FAM110A: variants seen among roughly 807,000 people sequenced by gnomAD.
The protein encoded by FAM110A is family with sequence similarity 110 member A, also known as protein FAM110A.
A neutral mutation model predicts 4.0 loss-of-function variants in FAM110A; 1 was observed. The ratio of observed to expected loss-of-function variants is 0.25; its 90% confidence interval spans 0.09 to 1.20. The LOEUF (loss-of-function observed/expected upper bound fraction) is 1.20, where lower values mean the gene tolerates loss of function less well. FAM110A is among the 50% of genes most tolerant of loss of function. The pLI is 0.50. For missense variants in FAM110A, 436 were observed against 429.2 expected, an observed-to-expected ratio of 1.02 and a Z score of -0.14; for synonymous variants, 217 against 196.8, an observed-to-expected ratio of 1.10 and a Z score of -0.86.
rs1980325921 is a variant in FAM110A at position 845,880 on chromosome 20, GT to G, written c.*190del. On this transcript the variant is annotated 3_prime_UTR_variant, in exon 2 of 2. Coordinates refer to ENST00000381941, the MANE Select transcript of FAM110A (RefSeq NM_001042353.3). ...CAAGGACTGACTCTCCAAGGGTTTT[GT>G]TCTTGGCTTTGGACACCTGAGAACC... 7.5e-7 allele frequency: 1 copy of G among 1,334,618 alleles called. No individual in the cohort carries two copies. Among genetic ancestry groups the G allele is most frequent in the African/African-American group, 1.5e-5 (1 of 66,984 alleles). 82.7% of individuals were successfully genotyped at this position (1,334,618 alleles called of 1,614,324 possible). A position where few individuals can be genotyped will look rare whatever the true frequency, so the allele number is the denominator to read the frequency against.
chr20:845,301 C>G lies in FAM110A; in HGVS notation c.497C>G (p.Pro166Arg), dbSNP rs1980250064. Reference sequence around the variant, plus strand: ...CCCCTGCCCGCCTCGCCTGCCCGGCCCTGCCCATCACCCGGCCCTGCCGCC... The same window carrying G: ...CCCCTGCCCGCCTCGCCTGCCCGGCGCTGCCCATCACCCGGCCCTGCCGCC... ...VRPLPASPAR[P>R]CPSPGPAAAS... Residue 166 changes from proline to arginine, a missense_variant, in exon 2 of 2, where the codon CCC becomes CGC. Transcript: ENST00000381941. The G allele has an allele frequency of 1.3e-6, 2 of 1,537,652 alleles. No homozygotes were observed. Among genetic ancestry groups the G allele is most frequent in the African/African-American group, 1.4e-5 (1 of 72,106 alleles).
In FAM110A at chr20:834,348, T is replaced by C. The variant is rs141623578; in HGVS notation, c.-98+397T>C. ...GCAGTCCGGGGTTGGACTCGGCTCA[T>C]TTGGCGCCTTTCTGTCTACGGGGAC... On this transcript the variant is annotated intron_variant, in intron 1 of 1. Coordinates refer to ENST00000381941, the MANE Select transcript of FAM110A (RefSeq NM_001042353.3). The surrounding 1 kb of genome is among the most constrained non-coding windows in gnomAD (Gnocchi z 5.6). 1.7e-3 allele frequency among the ~76,000 whole-genome samples: 264 copies of C among 152,310 alleles called. No individual in the cohort carries two copies. Among genetic ancestry groups the C allele is most frequent in the African/African-American group, 5.9e-3 (246 of 41,576 alleles).
intron 1 of FAM110A, chr20:836,233 AT>A (rs1979563249): frequency 1.4e-5 from 1 of 71,292 alleles, no homozygotes; most frequent in Admixed American, 2.0e-4. Flanking sequence ...CTGGCTCTAA[AT>A]TTTACATTTT....
chr20:841,874 A>G (rs1251249180), intron 1 of FAM110A, among the ~76,000 whole-genome samples: 1 of 152,192 alleles, frequency 6.6e-6, no homozygotes, highest in African/African-American at 2.4e-5. Flanking sequence ...TGTTGAGGTC[A>G]GCTCACCGAT....
intron 1 of FAM110A, chr20:839,753 AC>A (rs1979776951): frequency 1.4e-6 from 2 of 1,398,162 alleles, no homozygotes; most frequent in African/African-American, 2.8e-5. Flanking sequence ...GATACTGGCT[AC>A]CCTCATTGGT....
intron 1 of FAM110A, among the ~76,000 whole-genome samples, chr20:842,589 C>G (rs561325520): frequency 6.6e-6 from 1 of 152,252 alleles, no homozygotes; most frequent in Non-Finnish European, 1.5e-5. Context: ...GGAGCAGCAC[C>G]CAAGGATCTA....
Position 844,693 on chromosome 20 carries a change from T to A in FAM110A, c.-97-15T>A. 2.4e-6 allele frequency: 3 copies of A among 1,244,668 alleles called. No homozygotes were observed. The highest frequency in any genetic ancestry group is 2.0e-6 in the Non-Finnish European group (2 of 983,930). The allele number at this position is 1,244,668 out of a possible 1,614,324, so 77.1% of individuals were successfully genotyped here. A position where few individuals can be genotyped will look rare whatever the true frequency, so the allele number is the denominator to read the frequency against. On this transcript the variant is annotated splice_polypyrimidine_tract_variant and intron_variant, in intron 1 of 1. Coordinates refer to ENST00000381941, the MANE Select transcript of FAM110A (RefSeq NM_001042353.3). Reference sequence around the variant, plus strand: ...CGCTCGGCTTTTTTTTTTTTTTCTCTCTCCTTCCCTGCAGCAGTGGCCGGT... The same window carrying A: ...CGCTCGGCTTTTTTTTTTTTTTCTCACTCCTTCCCTGCAGCAGTGGCCGGT...
chr20:837,032 G>A (rs1377860737), intron 1 of FAM110A, among the ~76,000 whole-genome samples: 2 of 147,108 alleles, frequency 1.4e-5, no homozygotes, highest in African/African-American at 2.5e-5. Context: ...GTCTGTTCAA[G>A]TGACTCTGCA....
chr20:842,597 C>T (rs1979996346), intron 1 of FAM110A, among the ~76,000 whole-genome samples: 1 of 152,170 alleles, frequency 6.6e-6, no homozygotes, highest in Admixed American at 6.5e-5. Context: ...ACCCAAGGAT[C>T]TATTCCCAAC....
At position 833,882 on chromosome 20, in the gene FAM110A, C is replaced by G. The variant is rs1186220468; in HGVS notation, c.-167C>G. ...TCGTTGGGAGCGGCCACTACCGGCCCGGGTCCGAGCTGTCAGCCTCTCCAA... is the reference window on the plus strand; with the variant it reads ...TCGTTGGGAGCGGCCACTACCGGCCGGGGTCCGAGCTGTCAGCCTCTCCAA... On this transcript the variant is annotated 5_prime_UTR_variant, in exon 1 of 2. Coordinates refer to ENST00000381941, the MANE Select transcript of FAM110A (RefSeq NM_001042353.3). The surrounding 1 kb of genome is among the most constrained non-coding windows in gnomAD (Gnocchi z 4.1). 1.3e-5 allele frequency: 2 copies of G among 152,328 alleles called. No individual in the cohort carries two copies. Among genetic ancestry groups the G allele is most frequent in the Non-Finnish European group, 2.9e-5 (2 of 68,146 alleles). 9.4% of individuals were successfully genotyped at this position (152,328 alleles called of 1,614,324 possible).
At chr20:843,114 C>T (rs571811051) in intron 1 of FAM110A, among the ~76,000 whole-genome samples, 7 of 152,126 alleles carry the variant, frequency 4.6e-5, no homozygotes, top group Admixed American at 3.9e-4. Context: ...GGAATAGTGC[C>T]GGGAGGGGGT....
Position 844,852 on chromosome 20 carries a change from A to C in FAM110A, c.48A>C (p.Leu16=), listed in dbSNP as rs1600017215. ...LSPGAPSAPA[L]PCRLRTRVPG... ...CCGGAGCCCCGTCCGCCCCCGCCCTACCTTGCCGCCTGCGGACCAGGGTCC... is the reference window on the plus strand; with the variant it reads ...CCGGAGCCCCGTCCGCCCCCGCCCTCCCTTGCCGCCTGCGGACCAGGGTCC... The change falls in exon 2 of 2, where the codon CTA becomes CTC. Residue 16 remains leucine, a synonymous_variant. Transcript: ENST00000381941. 2 of 1,532,012 alleles carry C rather than the reference A, an allele frequency of 1.3e-6. No homozygotes were observed. Among genetic ancestry groups the C allele is most frequent in the Non-Finnish European group, 8.8e-7 (1 of 1,139,052 alleles). The allele number at this position is 1,532,012 out of a possible 1,614,324, so 94.9% of individuals were successfully genotyped here.
intron 1 of FAM110A, among the ~76,000 whole-genome samples, chr20:837,045 GTT>G (rs71191980): frequency 2.4e-5 from 2 of 82,908 alleles, no homozygotes; most frequent in Non-Finnish European, 4.7e-5. Flanking sequence ...ACTCTGCATT[GTT>G]TTTTTTTTTT....
Position 845,666 on chromosome 20 carries a change from C to T in FAM110A, c.862C>T (p.Arg288Trp), listed in dbSNP as rs758683222. ...GTGGTTGTATGGGCTAAGGCAGGCTCGGGAGAGCCCAGCAGCTGAAGGCTA... is the reference window on the plus strand; with the variant it reads ...GTGGTTGTATGGGCTAAGGCAGGCTTGGGAGAGCCCAGCAGCTGAAGGCTA... ...IKWLYGLRQA[R>W]ESPAAEG Residue 288 changes from arginine to tryptophan, a missense_variant, in exon 2 of 2, where the codon CGG becomes TGG. Arg to Trp is a moderately radical substitution (Grantham distance 101). Coordinates refer to ENST00000381941, the MANE Select transcript of FAM110A (RefSeq NM_001042353.3). The T allele has an allele frequency of 3.7e-6, 6 of 1,614,034 alleles. No individual in the cohort carries two copies. Among genetic ancestry groups the T allele is most frequent in the South Asian group, 2.2e-5 (2 of 91,080 alleles).
Position 846,055 on chromosome 20 carries a change from G to T in FAM110A, c.*363G>T. ...TCAATCCTGTCTCCCCAGCGGCTCT[G>T]TTTCCTCCTTCCTTCCTTGGCCTCT... On this transcript the variant is annotated 3_prime_UTR_variant, in exon 2 of 2. Transcript: ENST00000381941. The T allele has an allele frequency of 3.8e-6, 1 of 266,340 alleles. No homozygotes were observed. Among genetic ancestry groups the T allele is most frequent in the Non-Finnish European group, 7.8e-6 (1 of 128,986 alleles). 16.5% of individuals were successfully genotyped at this position (266,340 alleles called of 1,614,324 possible).
chr20:841,525 C>T (rs939900976), intron 1 of FAM110A, among the ~76,000 whole-genome samples: 4 of 152,198 alleles, frequency 2.6e-5, no homozygotes, highest in Non-Finnish European at 5.9e-5. Context: ...GACCCCCCAT[C>T]CCCCGCCACC....
intron 1 of FAM110A, chr20:839,812 C>T: frequency 6.3e-7 from 1 of 1,588,782 alleles, no homozygotes; most frequent in South Asian, 1.1e-5. Flanking sequence ...TTCACGCAGC[C>T]CCGGGACTTG....
In FAM110A at chr20:840,470, C is replaced by T. The variant is rs1430188787; in HGVS notation, c.-97-4238C>T. ...TTGGGGTGGAAGAGGTGACAGTCAC[C>T]TCCCTCTGGGAATTCCTTCCTGCAG... is the stretch of plus-strand genomic sequence containing the variant. On this transcript the variant is annotated intron_variant, in intron 1 of 1. Coordinates refer to ENST00000381941, the MANE Select transcript of FAM110A (RefSeq NM_001042353.3). The surrounding 1 kb of genome is among the most constrained non-coding windows in gnomAD (Gnocchi z 4.4). Among the ~76,000 whole-genome samples, 3 of 152,192 alleles carry T rather than the reference C, an allele frequency of 2.0e-5. No homozygotes were observed. The highest frequency in any genetic ancestry group is 2.9e-5 in the Non-Finnish European group (2 of 68,034).
chr20:843,235 C>T (rs972944285), intron 1 of FAM110A, among the ~76,000 whole-genome samples: 7 of 152,134 alleles, frequency 4.6e-5, no homozygotes, highest in South Asian at 4.1e-4. Flanking sequence ...ATCTGCACAA[C>T]GACCCACAGG....
Sources: gnomAD v4.1 joint callset for allele counts (sites outside exome capture counted in the v4.1 genomes callset) on GRCh38, gnomAD v4.1.1 for gene constraint, Gnocchi (gnomAD v3.1) non-coding constraint, MANE v1.5 for transcripts, NCBI Gene and HGNC (gene_info 2026-07-23, HGNC 2026-07-21) for gene names.